GAD2: variants seen among roughly 807,000 people sequenced by gnomAD.
The protein encoded by GAD2 is 65 kDa glutamic acid decarboxylase.
Under a neutral mutation model 80.1 loss-of-function variants are expected in GAD2, and 22 were observed. The ratio of observed to expected loss-of-function variants is 0.27; its 90% CI spans 0.20 to 0.39. The LOEUF is 0.39. Ranked by LOEUF, GAD2 falls within the 10% of genes least tolerant of loss-of-function variation. The pLI, the probability that GAD2 is intolerant of heterozygous loss-of-function variation, is 1.00. For synonymous variants in GAD2, 274 were observed against 256.9 expected (o/e 1.07, Z -0.64); for missense variants, 624 against 738.4 (o/e 0.85, Z 1.80).
At chr10:26,264,285 C>T (rs1193408978) in intron 8 of GAD2, among the ~76,000 whole-genome samples, 1 of 151,690 alleles carries the variant, frequency 6.6e-6, no homozygotes, top group East Asian at 1.9e-4. Flanking sequence ...GTGGCAGGAA[C>T]CCACTATTCC....
Position 26,286,481 on chromosome 10 carries a change from T to A in GAD2, c.1373T>A (p.Met458Lys). 6.2e-7 allele frequency: 1 copy of A among 1,613,256 alleles called. No homozygotes were observed. Among genetic ancestry groups the A allele is most frequent in the Non-Finnish European group, 8.5e-7 (1 of 1,179,762 alleles). Residue 458 changes from methionine to lysine, a missense_variant, in exon 13 of 16, where the codon ATG (methionine) becomes AAG (lysine). Met to Lys is a moderately conservative substitution (Grantham distance 95, BLOSUM62 -1). Transcript: ENST00000376261. ...RHVDVFKLWL[M>K]WRAKGTTGFE... ...GTTGATGTTTTTAAACTATGGCTGA[T>A]GTGGAGGGCAAAGGTGAGTATGTAT...
chr10:26,229,757 A>G lies in GAD2; in HGVS notation c.820A>G (p.Ile274Val), dbSNP rs1308072499. ...EKGMAALPRL[I>V]AFTSEHSHFS... ...AGGAATGGCTGCTCTTCCCAGGCTC[A>G]TTGCCTTCACGTCTGAACATGTATG... Residue 274 changes from isoleucine (I) to valine (V), a missense_variant, in exon 7 of 16, where the codon ATT (isoleucine) becomes GTT (valine). Ile to Val is a conservative substitution (Grantham distance 29). Coordinates refer to ENST00000376261, the MANE Select transcript of GAD2 (RefSeq NM_001134366.2). The G allele has an allele frequency of 2.5e-6, 4 of 1,613,220 alleles. No homozygotes were observed. Among genetic ancestry groups the G allele is most frequent in the East Asian group, 2.2e-5 (1 of 44,902 alleles).
In GAD2 at chr10:26,301,657, AT is replaced by A. The variant is rs1174037640; in HGVS notation, c.*698del. ...ACCCACGAAATTCTTAAAAGGTATT[AT>A]TGCTTCTTTCTATACATGTTATGGC... On this transcript the variant is annotated 3_prime_UTR_variant, in exon 16 of 16. Coordinates refer to ENST00000376261, the MANE Select transcript of GAD2 (RefSeq NM_001134366.2). 11 of 152,166 alleles carry A rather than the reference AT, an allele frequency of 7.2e-5. No individual in the cohort carries two copies. Among genetic ancestry groups the A allele is most frequent in the African/African-American group, 2.7e-4 (11 of 41,452 alleles). 9.4% of individuals were successfully genotyped at this position (152,166 alleles called of 1,614,324 possible). A position where few individuals can be genotyped will look rare whatever the true frequency, so the allele number is the denominator to read the frequency against.
At chr10:26,260,816 T>C (rs764988874) in intron 8 of GAD2, among the ~76,000 whole-genome samples, 1 of 152,206 alleles carries the variant, frequency 6.6e-6, no homozygotes, top group East Asian at 1.9e-4. Flanking sequence ...TTAAGTGATG[T>C]GTGTCAATCT....
chr10:26,275,164 TTGGAA>T (rs1845184548), intron 11 of GAD2, among the ~76,000 whole-genome samples: 1 of 152,210 alleles, frequency 6.6e-6, no homozygotes, highest in Non-Finnish European at 1.5e-5. Flanking sequence ...AGAGAACAAC[TTGGAA>T]GGTGCCTGCT....
In GAD2 at chr10:26,301,198, C is replaced by T. The variant is rs1255002093; in HGVS notation, c.*237C>T. On this transcript the variant is annotated 3_prime_UTR_variant, in exon 16 of 16. Transcript: ENST00000376261. Reference sequence around the variant, plus strand: ...CTATGTTCTAATCAATAAGGAAAAGCTTAAAATTGTTATAAATACTTCCCT... The same window carrying T: ...CTATGTTCTAATCAATAAGGAAAAGTTTAAAATTGTTATAAATACTTCCCT... The T allele has an allele frequency of 2.3e-6, 1 of 441,662 alleles. No individual in the cohort carries two copies. The highest frequency in any genetic ancestry group is 4.1e-6 in the Non-Finnish European group (1 of 243,240). The allele number at this position is 441,662 out of a possible 1,614,324, so 27.4% of individuals were successfully genotyped here.
rs1402575612 is a variant in GAD2 at position 26,301,218 on chromosome 10, T to G, written c.*257T>G. ...AAAAGCTTAAAATTGTTATAAATAC[T>G]TCCCTTACTTTTAATATAGTGTGCA... On this transcript the variant is annotated 3_prime_UTR_variant, in exon 16 of 16. Coordinates refer to ENST00000376261, the MANE Select transcript of GAD2 (RefSeq NM_001134366.2). 1.6e-5 allele frequency: 6 copies of G among 384,188 alleles called. No individual in the cohort carries two copies. In the East Asian group the frequency reaches 2.0e-4, roughly 12 times the overall value. The allele number at this position is 384,188 out of a possible 1,614,324, so 23.8% of individuals were successfully genotyped here.
Position 26,238,006 on chromosome 10 carries a change from A to T in GAD2, c.841-7915A>T, listed in dbSNP as rs1487694125. On this transcript the variant is annotated intron_variant, in intron 7 of 15. Transcript: ENST00000376261. ...GACAGGGCGAGACTCCATCACACAGACACACACACACACACACACACACAC... is the reference window on the plus strand; with the variant it reads ...GACAGGGCGAGACTCCATCACACAGTCACACACACACACACACACACACAC... 4.4e-4 allele frequency among the ~76,000 whole-genome samples: 8 copies of T among 18,298 alleles called. No individual in the cohort carries two copies. The East Asian group carries it at 0.024, about 54-fold the overall frequency. 12.0% of individuals were successfully genotyped at this position (18,298 alleles called of 152,430 possible).
At chr10:26,290,225 A>T (rs1834197928) in intron 13 of GAD2, among the ~76,000 whole-genome samples, 2 of 152,236 alleles carry the variant, frequency 1.3e-5, no homozygotes, top group Admixed American at 6.5e-5. Context: ...ACTGAATGGG[A>T]TAAGAAGGCT....
At position 26,266,377 on chromosome 10, in the gene GAD2, C is replaced by T. The variant is rs559841747; in HGVS notation, c.921-2742C>T. Among the ~76,000 whole-genome samples, 7 of 152,274 alleles carry T rather than the reference C, an allele frequency of 4.6e-5. No homozygotes were observed. The East Asian group carries it at 5.8e-4, about 13-fold the overall frequency. ...ATGCTCACTAAATTTTAAGAACCAG[C>T]GTTCTAAGGTAATCCGGCCAATTCT... On this transcript the variant is annotated intron_variant, in intron 8 of 15. Transcript: ENST00000376261.
At chr10:26,220,241 T>G (rs1844436079) in intron 4 of GAD2, among the ~76,000 whole-genome samples, 1 of 152,166 alleles carries the variant, frequency 6.6e-6, no homozygotes, top group African/African-American at 2.4e-5. Context: ...TGGATCGAAG[T>G]TGATGTGTAG....
In GAD2 at chr10:26,268,434, C is replaced by G. The variant is rs559160545; in HGVS notation, c.921-685C>G. Among the ~76,000 whole-genome samples the G allele has an allele frequency of 6.0e-5, 9 of 149,694 alleles. No homozygotes were observed. In the East Asian group the frequency reaches 1.4e-3, roughly 23 times the overall value. The stretch of plus-strand genomic sequence containing the variant: ...AGTGAGCCAAGATTGTGCCACTGCA[C>G]TCCAGCCTGGGCGACAGAGCCAGAC... On this transcript the variant is annotated intron_variant, in intron 8 of 15. Transcript: ENST00000376261.
chr10:26,236,652 T>C (rs1412200795), intron 7 of GAD2, among the ~76,000 whole-genome samples: 2 of 152,180 alleles, frequency 1.3e-5, no homozygotes, highest in African/African-American at 4.8e-5. Context: ...GTTTCAAAAA[T>C]AGATCTCCTT....
At chr10:26,247,349 T>A (rs1209217829) in intron 8 of GAD2, among the ~76,000 whole-genome samples, 1 of 152,034 alleles carries the variant, frequency 6.6e-6, no homozygotes, top group Non-Finnish European at 1.5e-5. Flanking sequence ...AAGGTCTTTA[T>A]GACCTGTATC....
chr10:26,280,045 G>A (rs991630976), intron 11 of GAD2, among the ~76,000 whole-genome samples: 1 of 152,220 alleles, frequency 6.6e-6, no homozygotes, highest in African/African-American at 2.4e-5. Context: ...TGCCCTCACT[G>A]GCCAGGTGCT....
intron 11 of GAD2, among the ~76,000 whole-genome samples, chr10:26,276,271 T>C (rs1845200601): frequency 6.6e-6 from 1 of 152,190 alleles, no homozygotes; most frequent in Admixed American, 6.5e-5. Context: ...ACAGCTCTCT[T>C]CCTTGCTAGC....
chr10:26,299,854 C>G (rs1834310700), intron 15 of GAD2, among the ~76,000 whole-genome samples: 1 of 152,056 alleles, frequency 6.6e-6, no homozygotes, highest in South Asian at 2.1e-4. Flanking sequence ...GTGGTGGAAT[C>G]TTGAAGTGTG....
At chr10:26,270,790 T>C (rs1422555859) in intron 10 of GAD2, 34 bp downstream of exon 10, 1 of 1,336,336 alleles carries the variant, frequency 7.5e-7, no homozygotes, top group East Asian at 2.3e-5. Context: ...CACTAAAACG[T>C]CCTTGCACGT....
chr10:26,250,167 C>T (rs1012525144), intron 8 of GAD2, among the ~76,000 whole-genome samples: 2 of 152,038 alleles, frequency 1.3e-5, no homozygotes, highest in South Asian at 2.1e-4. Flanking sequence ...GCCCACACTA[C>T]GACACCCAGC....
Sources: allele counts gnomAD v4.1 joint callset (sites outside exome capture counted in the v4.1 genomes callset), GRCh38; gene constraint gnomAD v4.1.1; transcripts MANE v1.5; gene names NCBI Gene and HGNC (gene_info 2026-07-23, HGNC 2026-07-21).